GPHN: variants seen among roughly 807,000 people sequenced by gnomAD.
The protein encoded by GPHN is gephyrin.
A neutral mutation model predicts 95.5 loss-of-function variants in GPHN; 17 were observed. That is an observed-to-expected ratio of 0.18 (90% CI 0.12 to 0.27). The LOEUF (loss-of-function observed/expected upper bound fraction) is 0.27. Ranked by LOEUF, GPHN falls within the 10% of genes least tolerant of loss-of-function variation. The pLI is 1.00. For synonymous variants in GPHN, 320 were observed against 322.5 expected (o/e 0.99, Z 0.08); for missense variants, 660 against 978.1 (o/e 0.67, Z 4.34).
At chr14:67,534,127 T>G in the GPHN span, among the ~76,000 whole-genome samples, 1 of 152,208 alleles carries the variant, frequency 6.6e-6, no homozygotes, top group African/African-American at 2.4e-5. Context: ...GTGGGAGAAT[T>G]ATCAGTTCCT....
chr14:67,394,535 G>A, the GPHN span, among the ~76,000 whole-genome samples: 7 of 152,114 alleles, frequency 4.6e-5, no homozygotes, highest in Non-Finnish European at 8.8e-5. Context: ...TTTATCTGCA[G>A]CTGATCCTCC....
intron 2 of GPHN, among the ~76,000 whole-genome samples, chr14:66,726,007 C>G (rs1051779773): frequency 6.6e-6 from 1 of 152,130 alleles, no homozygotes; most frequent in African/African-American, 2.4e-5. Context: ...AAATCAGTTT[C>G]TTCTGGGTTC....
At chr14:67,255,745 A>G in the GPHN span, among the ~76,000 whole-genome samples, 1 of 152,194 alleles carries the variant, frequency 6.6e-6, no homozygotes, top group African/African-American at 2.4e-5. Context: ...CAGTAGTGCA[A>G]TCTGGGCTCA....
At chr14:67,729,193 A>G in the GPHN span, 6 of 1,612,828 alleles carry the variant, frequency 3.7e-6, no homozygotes, top group Non-Finnish European at 5.1e-6. Context: ...TGTCCCAGGC[A>G]CCGGGGTCAC....
intron 1 of GPHN, among the ~76,000 whole-genome samples, chr14:66,600,970 C>T (rs558734761): frequency 1.3e-4 from 19 of 151,990 alleles, no homozygotes; most frequent in East Asian, 5.8e-4. Context: ...TTCATAAATG[C>T]GGAATCTGTG....
chr14:67,413,690 G>A, the GPHN span, among the ~76,000 whole-genome samples: 19 of 152,256 alleles, frequency 1.2e-4, no homozygotes, highest in South Asian at 4.1e-4. Flanking sequence ...CAGGGTCTGG[G>A]TCACTGCGTG....
intron 2 of GPHN, among the ~76,000 whole-genome samples, chr14:66,769,004 G>A (rs6573723): frequency 0.3 from 46,077 of 151,748 alleles, 11,461 homozygotes; most frequent in African/African-American, 0.66. Flanking sequence ...GTGGATATGT[G>A]TAAAAATTTG....
At chr14:67,473,459 G>A in the GPHN span, 385 of 1,614,070 alleles carry the variant, frequency 2.4e-4, no homozygotes, top group Middle Eastern at 3.3e-4. This position sits in a 1 kb window ranked among gnomAD's most constrained non-coding sequence, Gnocchi z 6.5. Context: ...GGGCTAGGGC[G>A]CCGCTGGGCT....
At chr14:67,199,703 C>T in the GPHN span, 1 of 1,581,880 alleles carries the variant, frequency 6.3e-7, no homozygotes, top group Non-Finnish European at 8.7e-7. Context: ...TGCAGATGCA[C>T]CTCCTTCACC....
chr14:66,778,846 C>G lies in GPHN; in HGVS notation c.201+2325C>G, dbSNP rs561554529. 3.4e-5 allele frequency among the ~76,000 whole-genome samples: 5 copies of G among 146,636 alleles called. 1 individual carries two copies. Among genetic ancestry groups the G allele is most frequent in the African/African-American group, 1.3e-4 (5 of 39,328 alleles). On this transcript the variant is annotated intron_variant, in intron 3 of 22. Transcript: ENST00000478722. ...AACCTCCTGGGTTCAAGTGATTTTCCTGCCTCAGCCTCCCGAGTAGCTTGG... is the reference window on the plus strand; with the variant it reads ...AACCTCCTGGGTTCAAGTGATTTTCGTGCCTCAGCCTCCCGAGTAGCTTGG...
intron 8 of GPHN, among the ~76,000 whole-genome samples, chr14:66,946,866 A>G (rs1339793391): frequency 6.6e-6 from 1 of 152,158 alleles, no homozygotes; most frequent in Non-Finnish European, 1.5e-5. Flanking sequence ...ATTCCCAGGG[A>G]ACAACTTGGT....
At chr14:67,647,067 C>T in the GPHN span, 1 of 1,244,170 alleles carries the variant, frequency 8.0e-7, no homozygotes, top group Admixed American at 1.7e-5. Context: ...CCCCAATGGG[C>T]AACACACTTT....
chr14:67,714,345 G>T, the GPHN span, among the ~76,000 whole-genome samples: 1 of 151,864 alleles, frequency 6.6e-6, no homozygotes, highest in Non-Finnish European at 1.5e-5. Context: ...TGATTATGTT[G>T]CTCTTGGTCT....
At chr14:67,519,123 TG>T in the GPHN span, among the ~76,000 whole-genome samples, 1 of 151,902 alleles carries the variant, frequency 6.6e-6, no homozygotes, top group Admixed American at 6.6e-5. Flanking sequence ...CATTTGAAAA[TG>T]GGGGAGTCTC....
chr14:67,300,405 G>A, the GPHN span, among the ~76,000 whole-genome samples: 1 of 150,162 alleles, frequency 6.7e-6, no homozygotes, highest in Non-Finnish European at 1.5e-5. Context: ...TCAGCTCACT[G>A]CAACCTCTAC....
At chr14:67,104,869 CCTT>C (rs1467342161) in intron 13 of GPHN, among the ~76,000 whole-genome samples, 2 of 151,628 alleles carry the variant, frequency 1.3e-5, no homozygotes, top group African/African-American at 4.8e-5. Context: ...TTCTTTCTTT[CCTT>C]CTTCTGATTT....
the GPHN span, chr14:67,365,050 A>C: frequency 6.5e-7 from 1 of 1,530,438 alleles, no homozygotes; most frequent in Non-Finnish European, 8.8e-7. Context: ...TCAGATTTAA[A>C]ATGGTTTATT....
At chr14:67,637,410 CAAAAAAAAAA>C in the GPHN span, among the ~76,000 whole-genome samples, 4 of 103,620 alleles carry the variant, frequency 3.9e-5, no homozygotes, top group Admixed American at 1.0e-4. Flanking sequence ...GACTCTGTCT[CAAAAAAAAAA>C]AAAAAAAAAA....
At chr14:66,562,542 G>A (rs908708749) in intron 1 of GPHN, among the ~76,000 whole-genome samples, 11 of 152,220 alleles carry the variant, frequency 7.2e-5, no homozygotes, top group South Asian at 4.2e-4. Flanking sequence ...TTATACACAG[G>A]AGAGTACTCA....
Sources: allele counts gnomAD v4.1 joint callset (sites outside exome capture counted in the v4.1 genomes callset), GRCh38; gene constraint gnomAD v4.1.1; non-coding constraint Gnocchi (gnomAD v3.1); transcripts MANE v1.5; gene names NCBI Gene and HGNC (gene_info 2026-07-23, HGNC 2026-07-21).